Variants in SLC5A10 observed in about 807,000 individuals in gnomAD.
SLC5A10 encodes solute carrier family 5 member 10.
SLC5A10 carries 55 observed loss-of-function variants against 68.9 expected under a neutral mutation model. The ratio of observed to expected loss-of-function variants is 0.80; its 90% CI spans 0.64 to 1.00. SLC5A10 has a LOEUF of 1.00. Among genes scored for constraint, SLC5A10 ranks in the 50% least tolerant of loss-of-function variants. The pLI is 0.00. For synonymous variants in SLC5A10, 344 were observed against 344.8 expected (o/e 1.00, Z 0.02); for missense variants, 732 against 819.3 (o/e 0.89, Z 1.30).
intron 8 of SLC5A10, among the ~76,000 whole-genome samples, chr17:18,972,108 C>T (rs2042870781): frequency 6.6e-6 from 1 of 152,190 alleles, no homozygotes; most frequent in South Asian, 2.1e-4. Flanking sequence ...TGGCCCTGCC[C>T]TCAAGACCCT....
At chr17:18,982,455 G>A (rs999664804) in intron 9 of SLC5A10, among the ~76,000 whole-genome samples, 4 of 152,218 alleles carry the variant, frequency 2.6e-5, no homozygotes, top group African/African-American at 7.2e-5. Flanking sequence ...GGACACCCCC[G>A]GCACAGGACA....
At chr17:18,970,148 G>A (rs1370468803) in intron 7 of SLC5A10, 2 of 152,308 alleles carry the variant, frequency 1.3e-5, no homozygotes, top group African/African-American at 4.8e-5. Flanking sequence ...CATGGGAACA[G>A]TGATGCTGGG....
chr17:18,958,172 G>C (rs984229346), intron 1 of SLC5A10, among the ~76,000 whole-genome samples: 1 of 152,226 alleles, frequency 6.6e-6, no homozygotes, highest in Non-Finnish European at 1.5e-5. Flanking sequence ...CTGGGCTCAA[G>C]AGATGCTCCC....
chr17:19,014,980 C>A (rs1397374639), intron 10 of SLC5A10, 69 bp from the exon 11 acceptor site: 1 of 1,553,282 alleles, frequency 6.4e-7, no homozygotes, highest in Non-Finnish European at 8.8e-7. Flanking sequence ...GCATTAGAGC[C>A]CAGGCGGGAG....
At position 19,017,504 on chromosome 17, in the gene SLC5A10, G is replaced by A; in HGVS notation, c.1242-1919G>A. 2.0e-6 allele frequency: 2 copies of A among 1,002,174 alleles called. No individual in the cohort carries two copies. Among genetic ancestry groups the A allele is most frequent in the South Asian group, 1.5e-5 (1 of 66,092 alleles). 62.1% of individuals were successfully genotyped at this position (1,002,174 alleles called of 1,614,324 possible). Reference sequence around the variant, plus strand: ...GGAGGCCATCGCAGGGCCGGGTGCAGTACCATGCCGGTGACCCTGATGGCT... The same window carrying A: ...GGAGGCCATCGCAGGGCCGGGTGCAATACCATGCCGGTGACCCTGATGGCT... On this transcript the variant is annotated intron_variant, in intron 11 of 14. Coordinates refer to ENST00000395645, the MANE Select transcript of SLC5A10 (RefSeq NM_001042450.4). This position sits in a 1 kb window ranked among gnomAD's most constrained non-coding sequence, Gnocchi z 5.6.
Position 19,017,949 on chromosome 17 carries a change from C to T in SLC5A10, c.1242-1474C>T, listed in dbSNP as rs2044175025. 2 of 155,310 alleles carry T rather than the reference C, an allele frequency of 1.3e-5. No homozygotes were observed. Among genetic ancestry groups the T allele is most frequent in the Non-Finnish European group, 2.9e-5 (2 of 70,038 alleles). The allele number at this position is 155,310 out of a possible 1,614,324, so 9.6% of individuals were successfully genotyped here. On this transcript the variant is annotated intron_variant, in intron 11 of 14. Transcript: ENST00000395645. This position sits in a 1 kb window ranked among gnomAD's most constrained non-coding sequence, Gnocchi z 5.6. ...AGGGCCTGGCTGGAGTGGCCCCAGC[C>T]CTGGCACAGAGATGCAGAGTCTGGT... is the stretch of plus-strand genomic sequence containing the variant.
intron 9 of SLC5A10, among the ~76,000 whole-genome samples, chr17:18,999,734 G>A (rs983689565): frequency 6.6e-6 from 1 of 152,250 alleles, no homozygotes; most frequent in Non-Finnish European, 1.5e-5. Context: ...ATCAGGCTTC[G>A]TGAAACCTGG....
Position 18,959,664 on chromosome 17 carries a change from G to T in SLC5A10, c.348+1G>T. 1 of 1,613,980 alleles carries T rather than the reference G, an allele frequency of 6.2e-7. No homozygotes were observed. On this transcript the variant is annotated splice_donor_variant, in intron 4 of 14. Transcript: ENST00000395645. LOFTEE classifies it high-confidence loss of function. ...CGTGCCCATCTACATCTCCTCAGAG[G>T]TGAGTCTACTCATGGGGCCTCCAGC...
At chr17:18,999,439 C>T (rs8076985) in intron 9 of SLC5A10, among the ~76,000 whole-genome samples, 9,614 of 152,150 alleles carry the variant, frequency 0.063, 1,012 homozygotes, top group African/African-American at 0.22. Flanking sequence ...CTGGGGGTCT[C>T]GGCCCAGTCC....
chr17:19,015,210 GGGGGCCAGTACGGGGGT>G lies in SLC5A10; in HGVS notation c.1241+16_1241+32del. On this transcript the variant is annotated intron_variant, in intron 11 of 14. Coordinates refer to ENST00000395645, the MANE Select transcript of SLC5A10 (RefSeq NM_001042450.4). The stretch of plus-strand genomic sequence containing the variant: ...CCTGCTGGTGGGACGGTACGGGGGT[GGGGGCCAGTACGGGGGT>G]GGGGGAACACTACAAGGGTGGGCGC... 7.1e-7 allele frequency: 1 copy of G among 1,406,884 alleles called. No individual in the cohort carries two copies. The highest frequency in any genetic ancestry group is 9.8e-7 in the Non-Finnish European group (1 of 1,022,206). The allele number at this position is 1,406,884 out of a possible 1,614,324, so 87.2% of individuals were successfully genotyped here.
chr17:18,978,213 C>T lies in SLC5A10; in HGVS notation c.982+1224C>T, dbSNP rs961281610. ...AGGCCGTTCTCAGCTGGGACACCGT[C>T]CTGGGGGGCACTGGGCTCTGGGGGA... On this transcript the variant is annotated intron_variant, in intron 9 of 14. Coordinates refer to ENST00000395645, the MANE Select transcript of SLC5A10 (RefSeq NM_001042450.4). 7 of 1,574,728 alleles carry T rather than the reference C, an allele frequency of 4.4e-6. No individual in the cohort carries two copies. The Admixed American group carries it at 5.2e-5, about 12-fold the overall frequency.
chr17:18,984,034 TC>T (rs1304139925), intron 9 of SLC5A10, among the ~76,000 whole-genome samples: 1 of 151,738 alleles, frequency 6.6e-6, no homozygotes, highest in African/African-American at 2.4e-5. Context: ...GCAGAGTGAA[TC>T]CCCCCCGTTT....
In SLC5A10 at chr17:19,017,351, C is replaced by G. The variant is rs1464797808; in HGVS notation, c.1242-2072C>G. 3.9e-6 allele frequency: 6 copies of G among 1,551,992 alleles called. No individual in the cohort carries two copies. Among genetic ancestry groups the G allele is most frequent in the Non-Finnish European group, 5.2e-6 (6 of 1,147,050 alleles). ...CAGCTTCCTCCTGCCCGAAACACCA[C>G]CATTGGAGCGGTATCTCCTAGGCCT... On this transcript the variant is annotated intron_variant, in intron 11 of 14. Coordinates refer to ENST00000395645, the MANE Select transcript of SLC5A10 (RefSeq NM_001042450.4). The surrounding 1 kb of genome is among the most constrained non-coding windows in gnomAD (Gnocchi z 5.6).
chr17:18,952,005 TG>T, upstream of SLC5A10: 3 of 755,816 alleles, frequency 4.0e-6, no homozygotes, highest in Non-Finnish European at 5.9e-6. Context: ...TCCTGCGCTC[TG>T]GGATCTGCAC....
chr17:18,952,266 A>C lies in SLC5A10; in HGVS notation c.61A>C (p.Ile21Leu), dbSNP rs1054548667. 1 of 1,613,862 alleles carries C rather than the reference A, an allele frequency of 6.2e-7. No homozygotes were observed. The highest frequency in any genetic ancestry group is 1.3e-5 in the African/African-American group (1 of 74,916). ...TPGTQLSVADIIVITVYFALN... is the reference protein window; with the variant it reads ...TPGTQLSVADLIVITVYFALN... ...CGGGACGCAGCTGAGCGTGGCTGAC[A>C]TCATCGTCATCACTGTGTATTTTGC... Residue 21 changes from isoleucine to leucine, a missense_variant, in exon 1 of 15, where the codon ATC becomes CTC. By Grantham distance (5) the Ile-to-Leu change is conservative. Transcript: ENST00000395645.
chr17:19,003,398 A>G lies in SLC5A10; in HGVS notation c.983-10012A>G, dbSNP rs1351583853. 8.2e-6 allele frequency: 9 copies of G among 1,094,902 alleles called. No homozygotes were observed. Among genetic ancestry groups the G allele is most frequent in the Non-Finnish European group, 1.1e-5 (9 of 823,404 alleles). The allele number at this position is 1,094,902 out of a possible 1,614,324, so 67.8% of individuals were successfully genotyped here. Reference sequence around the variant, plus strand: ...CCTCCACCCAAGAGGCAGCCAGGGAAAACAGCAGAGATCCCTAGAAGCCCA... The same window carrying G: ...CCTCCACCCAAGAGGCAGCCAGGGAGAACAGCAGAGATCCCTAGAAGCCCA... On this transcript the variant is annotated intron_variant, in intron 9 of 14. Transcript: ENST00000395645. This position sits in a 1 kb window ranked among gnomAD's most constrained non-coding sequence, Gnocchi z 4.5.
In SLC5A10 at chr17:19,003,591, T is replaced by G; in HGVS notation, c.983-9819T>G. The G allele has an allele frequency of 6.2e-7, 1 of 1,606,060 alleles. No homozygotes were observed. Among genetic ancestry groups the G allele is most frequent in the East Asian group, 2.2e-5 (1 of 44,740 alleles). ...GCCTGCCCGTCTATGGGGGGCTGCA[T>G]GTAGACGCTAGCCCGGGTCACGCCG... is the stretch of plus-strand genomic sequence containing the variant. On this transcript the variant is annotated intron_variant, in intron 9 of 14. Coordinates refer to ENST00000395645, the MANE Select transcript of SLC5A10 (RefSeq NM_001042450.4). The surrounding 1 kb of genome is among the most constrained non-coding windows in gnomAD (Gnocchi z 4.5).
In SLC5A10 at chr17:18,998,554, G is replaced by A. The variant is rs911803698; in HGVS notation, c.983-14856G>A. Among the ~76,000 whole-genome samples the A allele has an allele frequency of 1.1e-4, 17 of 152,370 alleles. 2 individuals carry two copies. Among genetic ancestry groups the A allele is most frequent in the Admixed American group, 7.8e-4 (12 of 15,312 alleles). On this transcript the variant is annotated intron_variant, in intron 9 of 14. Coordinates refer to ENST00000395645, the MANE Select transcript of SLC5A10 (RefSeq NM_001042450.4). The stretch of plus-strand genomic sequence containing the variant: ...ACGGCAGGCCCTGGCTCTTGGGGTT[G>A]TGGGAAGGAGGCCAGCCCAGTGGCT...
At chr17:18,997,252 C>A (rs1003876677) in intron 9 of SLC5A10, among the ~76,000 whole-genome samples, 3 of 152,388 alleles carry the variant, frequency 2.0e-5, no homozygotes, top group South Asian at 2.1e-4. Context: ...CTACCTCCCC[C>A]AGACGGACAT....
Sources: gnomAD v4.1 joint callset for allele counts (sites outside exome capture counted in the v4.1 genomes callset) on GRCh38, gnomAD v4.1.1 for gene constraint, Gnocchi (gnomAD v3.1) non-coding constraint, MANE v1.5 for transcripts, NCBI Gene and HGNC (gene_info 2026-07-23, HGNC 2026-07-21) for gene names.